MACROD2: variants seen among roughly 807,000 people sequenced by gnomAD.
The protein encoded by MACROD2 is ADP-ribose glycohydrolase MACROD2.
MACROD2 carries 36 observed loss-of-function variants against 70.4 expected under a neutral mutation model. That is an observed-to-expected ratio of 0.51 (90% confidence interval 0.39 to 0.68). The LOEUF (loss-of-function observed/expected upper bound fraction) is 0.68. Ranked by LOEUF, MACROD2 falls within the 30% of genes least tolerant of loss-of-function variation. The probability of loss-of-function intolerance (pLI) is 0.00; values close to 1 mark genes in which losing one functional copy is unlikely to be tolerated. For synonymous variants in MACROD2, 172 were observed against 178.8 expected, an observed-to-expected ratio of 0.96 and a Z score of 0.30; for missense variants, 496 against 538.4, an observed-to-expected ratio of 0.92 and a Z score of 0.78.
intron 6 of MACROD2, among the ~76,000 whole-genome samples, chr20:15,371,680 G>A (rs2045496528): frequency 6.6e-6 from 1 of 152,172 alleles, no homozygotes; most frequent in South Asian, 2.1e-4. Flanking sequence ...TAGGGGGATA[G>A]CCAAGAGTTT....
chr20:15,509,694 G>C (rs753113104), intron 8 of MACROD2, among the ~76,000 whole-genome samples: 2 of 152,150 alleles, frequency 1.3e-5, no homozygotes, highest in Non-Finnish European at 2.9e-5. Flanking sequence ...ACTCCAAAGA[G>C]GAAGTTTGGT....
intron 3 of MACROD2, among the ~76,000 whole-genome samples, chr20:14,343,912 A>G (rs1283443155): frequency 6.6e-6 from 1 of 152,222 alleles, no homozygotes; most frequent in Non-Finnish European, 1.5e-5. Context: ...AGTGGTCGTC[A>G]TTTTGAAACC....
chr20:14,882,720 C>T (rs191868878), intron 5 of MACROD2, among the ~76,000 whole-genome samples: 25 of 152,224 alleles, frequency 1.6e-4, no homozygotes, highest in African/African-American at 4.3e-4. Flanking sequence ...GATCAGAGTA[C>T]GGCATTGATT....
At chr20:15,542,332 G>A (rs2047968688) in intron 8 of MACROD2, among the ~76,000 whole-genome samples, 1 of 152,096 alleles carries the variant, frequency 6.6e-6, no homozygotes, top group African/African-American at 2.4e-5. Flanking sequence ...TAGAGATTAA[G>A]GCACATAAAG....
chr20:15,678,806 T>A (rs6043432), intron 8 of MACROD2, among the ~76,000 whole-genome samples: 8,557 of 152,062 alleles, frequency 0.056, 768 homozygotes, highest in African/African-American at 0.19. Context: ...GGGAAACTGA[T>A]AATCTAAAAT....
At chr20:15,955,446 C>T (rs2065963301) in intron 12 of MACROD2, among the ~76,000 whole-genome samples, 1 of 152,154 alleles carries the variant, frequency 6.6e-6, no homozygotes, top group Admixed American at 6.6e-5. Context: ...TCAGAACATT[C>T]TCTAGTTAGG....
At chr20:15,449,200 T>C (rs2046608386) in intron 7 of MACROD2, among the ~76,000 whole-genome samples, 1 of 152,102 alleles carries the variant, frequency 6.6e-6, no homozygotes, top group Non-Finnish European at 1.5e-5. Context: ...CTCATGGCAT[T>C]GAAATGAATC....
intron 15 of MACROD2, among the ~76,000 whole-genome samples, chr20:16,016,727 G>C (rs2066934599): frequency 6.6e-6 from 1 of 152,050 alleles, no homozygotes. Flanking sequence ...GTAGAGACGG[G>C]GTTTCACCAT....
intron 5 of MACROD2, among the ~76,000 whole-genome samples, chr20:15,041,625 G>A (rs2075357400): frequency 6.6e-6 from 1 of 152,002 alleles, no homozygotes; most frequent in African/African-American, 2.4e-5. Flanking sequence ...AACATTTTTT[G>A]TAGTGATGGG....
intron 5 of MACROD2, among the ~76,000 whole-genome samples, chr20:14,743,122 A>C (rs1043547681): frequency 1.3e-5 from 2 of 151,280 alleles, no homozygotes; most frequent in Non-Finnish European, 3.0e-5. Flanking sequence ...ATAAAACTCA[A>C]ATGTATTTTT....
chr20:15,889,344 A>T (rs1365407784), intron 10 of MACROD2, among the ~76,000 whole-genome samples: 1 of 152,180 alleles, frequency 6.6e-6, no homozygotes, highest in Admixed American at 6.5e-5. Flanking sequence ...GACATGCATG[A>T]ACTCATTTAA....
At chr20:14,327,633 T>G in intron 3 of MACROD2, 1 of 1,086,636 alleles carries the variant, frequency 9.2e-7, no homozygotes, top group South Asian at 1.9e-5. Flanking sequence ...AAAACAAATG[T>G]GGAAACTAAA....
intron 3 of MACROD2, among the ~76,000 whole-genome samples, chr20:14,452,510 C>T (rs1483197231): frequency 6.6e-6 from 1 of 151,950 alleles, no homozygotes; most frequent in Non-Finnish European, 1.5e-5. Context: ...GTATGTGACA[C>T]CAGTAACAGT....
chr20:15,130,700 C>G (rs144544908), intron 5 of MACROD2, among the ~76,000 whole-genome samples: 162 of 152,174 alleles, frequency 1.1e-3, no homozygotes, highest in African/African-American at 3.4e-3. Context: ...GAGAATGGGA[C>G]AAAGGAGTTG....
intron 15 of MACROD2, among the ~76,000 whole-genome samples, chr20:16,031,768 G>C (rs2067154960): frequency 6.6e-6 from 1 of 152,008 alleles, no homozygotes; most frequent in South Asian, 2.1e-4. Flanking sequence ...AATAAAGTAT[G>C]TACGTATTAT....
rs367819995 is a variant in MACROD2 at position 15,023,121 on chromosome 20, C to T, written c.419-206819C>T. 3.3e-5 allele frequency among the ~76,000 whole-genome samples: 5 copies of T among 152,190 alleles called. No homozygotes were observed. The South Asian group carries it at 1.0e-3, about 32-fold the overall frequency. On this transcript the variant is annotated intron_variant, in intron 5 of 17. Coordinates refer to ENST00000684519, the MANE Select transcript of MACROD2 (RefSeq NM_001351661.2). Reference sequence around the variant, plus strand: ...CATGCCCAGATCAGGCTTCAGTTCCCTCAGGTACATTCCAGTCTCATGATG... The same window carrying T: ...CATGCCCAGATCAGGCTTCAGTTCCTTCAGGTACATTCCAGTCTCATGATG...
At chr20:14,711,558 A>C (rs780138871) in intron 5 of MACROD2, among the ~76,000 whole-genome samples, 6 of 152,190 alleles carry the variant, frequency 3.9e-5, no homozygotes, top group Non-Finnish European at 7.4e-5. Context: ...TCTGTTACAA[A>C]TTGAGTCCAC....
intron 5 of MACROD2, among the ~76,000 whole-genome samples, chr20:14,974,248 A>T (rs757194877): frequency 2.0e-5 from 3 of 152,164 alleles, no homozygotes; most frequent in Non-Finnish European, 4.4e-5. Flanking sequence ...CCCACCTCTC[A>T]ATACTGCCAC....
At chr20:14,718,390 G>T (rs2071423091) in intron 5 of MACROD2, among the ~76,000 whole-genome samples, 2 of 151,712 alleles carry the variant, frequency 1.3e-5, no homozygotes, top group Non-Finnish European at 2.9e-5. Flanking sequence ...AAACAGTGTG[G>T]GTGCATGTGA....
Sources: allele counts gnomAD v4.1 joint callset (sites outside exome capture counted in the v4.1 genomes callset), GRCh38; gene constraint gnomAD v4.1.1; transcripts MANE v1.5; gene names NCBI Gene and HGNC (gene_info 2026-07-23, HGNC 2026-07-21).